C2CD3: variants seen among roughly 807,000 people sequenced by gnomAD.
The protein encoded by C2CD3 is C2 domain containing 3 centriole elongation regulator.
A neutral mutation model predicts 234.0 loss-of-function variants in C2CD3; 148 were observed. The ratio of observed to expected loss-of-function variants is 0.63; its 90% CI spans 0.55 to 0.72. The LOEUF (loss-of-function observed/expected upper bound fraction) is 0.72. Ranked by LOEUF, C2CD3 falls within the 30% of genes least tolerant of loss-of-function variation. C2CD3 has a pLI of 0.00. For missense variants in C2CD3, 2,577 were observed against 2,811.5 expected (o/e 0.92, Z 1.89); for synonymous variants, 1,000 against 1,035.4 (o/e 0.97, Z 0.66).
chr11:74,023,167 G>C (rs941998479), intron 32 of C2CD3, among the ~76,000 whole-genome samples: 6 of 152,230 alleles, frequency 3.9e-5, no homozygotes, highest in African/African-American at 1.2e-4. Context: ...TCAGTGTGGA[G>C]TGAAAGATCA....
chr11:74,034,787 G>A (rs1249534070), intron 30 of C2CD3, among the ~76,000 whole-genome samples: 1 of 152,240 alleles, frequency 6.6e-6, no homozygotes, highest in Non-Finnish European at 1.5e-5. Flanking sequence ...CATAGGCTTT[G>A]GAGCCGGTCA....
chr11:74,043,282 G>A (rs962825310), intron 28 of C2CD3, among the ~76,000 whole-genome samples: 11 of 152,180 alleles, frequency 7.2e-5, no homozygotes, highest in African/African-American at 1.9e-4. Flanking sequence ...TTAGCATAAT[G>A]TTTTCAAGCT....
chr11:74,111,919 TACACACACACACACACACACACAC>T (rs61499954), intron 11 of C2CD3, among the ~76,000 whole-genome samples: 11 of 125,202 alleles, frequency 8.8e-5, no homozygotes, highest in Admixed American at 4.2e-4. Context: ...TATTTGCTGA[TACACACACACACACACACACACAC>T]ACACACACAC....
chr11:74,143,194 G>T (rs910553637), intron 3 of C2CD3, among the ~76,000 whole-genome samples: 7 of 152,092 alleles, frequency 4.6e-5, no homozygotes, highest in African/African-American at 1.7e-4. Context: ...CAGTCTTCTA[G>T]CAACGACTCA....
chr11:74,044,159 A>G (rs943757542), intron 28 of C2CD3, among the ~76,000 whole-genome samples: 2 of 150,926 alleles, frequency 1.3e-5, no homozygotes, highest in African/African-American at 4.9e-5. Context: ...TATGTTCTAG[A>G]TATAAGATCT....
At chr11:74,085,330 A>C (rs1025043604) in intron 21 of C2CD3, among the ~76,000 whole-genome samples, 1 of 152,092 alleles carries the variant, frequency 6.6e-6, no homozygotes, top group Non-Finnish European at 1.5e-5. Context: ...TTTTGAAAAA[A>C]ATTCAGGTAT....
At chr11:74,053,800 T>C (rs951338374) in intron 26 of C2CD3, among the ~76,000 whole-genome samples, 7 of 152,226 alleles carry the variant, frequency 4.6e-5, no homozygotes, top group African/African-American at 1.4e-4. Context: ...GTCAAAATTA[T>C]ATAATTTTTA....
At chr11:74,116,988 A>G (rs1956986706) in intron 9 of C2CD3, among the ~76,000 whole-genome samples, 1 of 79,676 alleles carries the variant, frequency 1.3e-5, no homozygotes, top group South Asian at 3.1e-4. Context: ...ATATATACAC[A>G]TATACGTGTA....
At chr11:74,168,219 C>G in intron 2 of C2CD3, 125 bp downstream of exon 2, 3 of 762,270 alleles carry the variant, frequency 3.9e-6, no homozygotes, top group Non-Finnish European at 6.4e-6. Flanking sequence ...ACTATAAAAA[C>G]TCTTTGACTC....
At position 74,103,514 on chromosome 11, in the gene C2CD3, G is replaced by A. The variant is rs1956398521; in HGVS notation, c.2197C>T (p.Leu733=). 4 of 1,614,162 alleles carry A rather than the reference G, an allele frequency of 2.5e-6. No individual in the cohort carries two copies. Among genetic ancestry groups the A allele is most frequent in the Non-Finnish European group, 3.4e-6 (4 of 1,180,028 alleles). ...GTCATATCTTGGTTAAGTTCTGGTA[G>A]TGCCTTATTTGGACTTGTAGGAGCA... ...LCAPTSPNKA[L]PELNQDMTCT... The change falls in exon 14 of 33, where the codon CTA becomes TTA. Residue 733 remains leucine, a synonymous_variant. Transcript: ENST00000334126.
intron 8 of C2CD3, among the ~76,000 whole-genome samples, chr11:74,122,373 G>T (rs188470097): frequency 2.0e-4 from 31 of 152,224 alleles, no homozygotes; most frequent in Non-Finnish European, 4.3e-4. Context: ...AAACTACCTT[G>T]TATTTCAGTA....
rs1408523651 is a variant in C2CD3, at chr11:74,054,658, G to C, written c.5104C>G (p.Leu1702Val). The C allele has an allele frequency of 1.9e-6, 3 of 1,611,704 alleles. No homozygotes were observed. Among genetic ancestry groups the C allele is most frequent in the African/African-American group, 2.7e-5 (2 of 74,824 alleles). The part of the protein sequence containing the change: ...FQQQSRLSKE[L>V]LLDPQQTLVF... ...AGGGTTTGTTGTGGGTCCAGAAGCA[G>C]CTCTTTTGATAGCCTATTAAGAAAA... The change falls in exon 26 of 33, where the codon CTG (leucine) becomes GTG (valine). Residue 1702 changes from leucine to valine, a missense_variant. Coordinates refer to ENST00000334126, the MANE Select transcript of C2CD3 (RefSeq NM_001286577.2).
intron 31 of C2CD3, 61 bp downstream of exon 31, chr11:74,033,286 ACACT>A: frequency 7.2e-7 from 1 of 1,389,962 alleles, no homozygotes; most frequent in Non-Finnish European, 9.7e-7. Context: ...CCACTTGCTC[ACACT>A]CACACTAGGC....
chr11:74,123,253 A>C (rs968836399), intron 7 of C2CD3, 118 bp from the exon 8 acceptor site: 2 of 692,016 alleles, frequency 2.9e-6, no homozygotes, highest in African/African-American at 3.6e-5. Context: ...TAAACAAAAG[A>C]CTCACATTAA....
intron 31 of C2CD3, among the ~76,000 whole-genome samples, chr11:74,030,521 A>G (rs1463766783): frequency 6.6e-6 from 1 of 152,178 alleles, no homozygotes; most frequent in Non-Finnish European, 1.5e-5. Context: ...GAAACTCTGC[A>G]GCATCTGCTC....
At chr11:74,039,183 T>C (rs73555988) in intron 29 of C2CD3, among the ~76,000 whole-genome samples, 11,528 of 152,156 alleles carry the variant, frequency 0.076, 1,408 homozygotes, top group African/African-American at 0.26. Flanking sequence ...AATAAGCAAA[T>C]CTACTGGTCT....
chr11:74,149,490 C>T (rs928303666), intron 3 of C2CD3, among the ~76,000 whole-genome samples: 3 of 152,122 alleles, frequency 2.0e-5, no homozygotes, highest in Admixed American at 1.3e-4. Context: ...TGCATGCTAA[C>T]ATTTGCTTTG....
At chr11:74,151,966 C>A (rs979489231) in intron 3 of C2CD3, among the ~76,000 whole-genome samples, 1 of 151,952 alleles carries the variant, frequency 6.6e-6, no homozygotes, top group African/African-American at 2.4e-5. Context: ...AGATACTGCA[C>A]AAGATGATTA....
chr11:74,051,800 T>C (rs1489322911), intron 26 of C2CD3, among the ~76,000 whole-genome samples: 1 of 152,200 alleles, frequency 6.6e-6, no homozygotes, highest in African/African-American at 2.4e-5. Flanking sequence ...CTGTAAGCTC[T>C]GTGAGGACAG....
Sources: gnomAD v4.1 joint callset for allele counts (sites outside exome capture counted in the v4.1 genomes callset) on GRCh38, gnomAD v4.1.1 for gene constraint, MANE v1.5 for transcripts, NCBI Gene and HGNC (gene_info 2026-07-23, HGNC 2026-07-21) for gene names.